CCDC9: variants seen among roughly 807,000 people sequenced by gnomAD.
CCDC9 encodes coiled-coil domain-containing protein 9.
A neutral mutation model predicts 65.6 loss-of-function variants in CCDC9; 52 were observed. That is an observed-to-expected ratio of 0.79 (90% CI 0.63 to 1.00). The LOEUF (loss-of-function observed/expected upper bound fraction) is 1.00. Ranked by LOEUF, CCDC9 falls within the 50% of genes least tolerant of loss-of-function variation. The pLI, the probability that CCDC9 is intolerant of heterozygous loss-of-function variation, is 0.00. For synonymous variants in CCDC9, 332 were observed against 280.3 expected (o/e 1.18, Z -1.84); for missense variants, 834 against 757.2 (o/e 1.10, Z -1.19).
rs1231862047 is a variant in CCDC9 at position 47,271,239 on chromosome 19, C to T, written c.1192-35C>T. ...CGGGCCTGGGGTGGGGGCTCAGGAC[C>T]TGTGCCTTGCCCTGACTTGCCTGTG... On this transcript the variant is annotated intron_variant, in intron 11 of 11. Coordinates refer to ENST00000221922, the MANE Select transcript of CCDC9 (RefSeq NM_015603.3). 2.5e-6 allele frequency: 4 copies of T among 1,609,152 alleles called. No homozygotes were observed. In the African/African-American group the frequency reaches 5.3e-5, roughly 22 times the overall value.
intron 3 of CCDC9, 123 bp from the exon 4 acceptor site, chr19:47,260,198 C>T (rs1177983206): frequency 7.4e-6 from 5 of 679,308 alleles, no homozygotes; most frequent in African/African-American, 1.8e-5. Flanking sequence ...GAGCGGCCTT[C>T]TTGTTCAGAG....
intron 8 of CCDC9, among the ~76,000 whole-genome samples, chr19:47,270,078 C>T (rs1274580822): frequency 6.6e-6 from 1 of 151,576 alleles, no homozygotes; most frequent in South Asian, 2.1e-4. Flanking sequence ...AAGTGATCCT[C>T]CCTCCTCAGC....
intron 8 of CCDC9, among the ~76,000 whole-genome samples, chr19:47,269,440 G>A (rs2059101938): frequency 6.6e-6 from 1 of 151,598 alleles, no homozygotes; most frequent in South Asian, 2.1e-4. Flanking sequence ...CTGCAACATC[G>A]CCTCCTGGGT....
At chr19:47,258,277 GA>G in intron 1 of CCDC9, 52 bp from the exon 2 acceptor site, 1 of 962,884 alleles carries the variant, frequency 1.0e-6, no homozygotes, top group Non-Finnish European at 1.7e-6. Context: ...GTTAGAGGGT[GA>G]AGTAGGTTGG....
chr19:47,271,983 C>G, downstream of CCDC9: 3 of 1,251,798 alleles, frequency 2.4e-6, no homozygotes, highest in Non-Finnish European at 2.0e-6. Context: ...TCCTTGAACC[C>G]CCTTCAACTC....
At chr19:47,271,044 C>A in intron 10 of CCDC9, 38 bp from the exon 11 acceptor site, 1 of 1,447,472 alleles carries the variant, frequency 6.9e-7, no homozygotes. Flanking sequence ...CCTGTCTACT[C>A]TCCACCCAGG....
chr19:47,270,062 A>G (rs941835703), intron 8 of CCDC9, among the ~76,000 whole-genome samples: 1 of 150,524 alleles, frequency 6.6e-6, no homozygotes, highest in Non-Finnish European at 1.5e-5. Flanking sequence ...TTGACCTCCC[A>G]GGCTCAAGTG....
rs1016547944 is a variant in CCDC9 at position 47,266,753 on chromosome 19, A to G, written c.863A>G (p.Gln288Arg). ...CAGAGGCACCGCAAGCCCACTGGCCAGTGGAGGCGCGAGTGGGATGCCGAG... is the reference window on the plus strand; with the variant it reads ...CAGAGGCACCGCAAGCCCACTGGCCGGTGGAGGCGCGAGTGGGATGCCGAG... ...RLQRHRKPTGQWRREWDAEKT... is the reference protein window; with the variant it reads ...RLQRHRKPTGRWRREWDAEKT... The change falls in exon 8 of 12, where the codon CAG (glutamine) becomes CGG (arginine). Residue 288 changes from glutamine to arginine, a missense_variant. Physicochemically the swap from Gln to Arg is conservative, Grantham distance 43 (BLOSUM62 1). Coordinates refer to ENST00000221922, the MANE Select transcript of CCDC9 (RefSeq NM_015603.3). The G allele has an allele frequency of 6.2e-7, 1 of 1,611,336 alleles. No homozygotes were observed. Among genetic ancestry groups the G allele is most frequent in the Non-Finnish European group, 8.5e-7 (1 of 1,178,852 alleles).
intron 10 of CCDC9, among the ~76,000 whole-genome samples, 175 bp from the exon 11 acceptor site, chr19:47,270,907 C>T (rs1555803319): frequency 6.6e-6 from 1 of 152,150 alleles, no homozygotes; most frequent in Non-Finnish European, 1.5e-5. Flanking sequence ...TCTCCTGCTA[C>T]CTGCCCCACT....
At position 47,266,604 on chromosome 19, in the gene CCDC9, G is replaced by C; in HGVS notation, c.721-7G>C. ...ATCACCCTGACTCCCTGTGGGCTGG[G>C]GGGCAGGGCCGCCGAGCTGGCCTGG... On this transcript the variant is annotated splice_polypyrimidine_tract_variant and splice_region_variant and intron_variant, in intron 7 of 11. Transcript: ENST00000221922. The C allele has an allele frequency of 6.6e-7, 1 of 1,518,176 alleles. No individual in the cohort carries two copies. Among genetic ancestry groups the C allele is most frequent in the South Asian group, 1.3e-5 (1 of 79,306 alleles). The allele number at this position is 1,518,176 out of a possible 1,614,324, so 94.0% of individuals were successfully genotyped here. A position where few individuals can be genotyped will look rare whatever the true frequency, so the allele number is the denominator to read the frequency against.
downstream of CCDC9, chr19:47,274,661 G>A (rs1284243506): frequency 1.6e-5 from 4 of 250,872 alleles, no homozygotes; most frequent in African/African-American, 5.4e-5. Context: ...GGTGATTGGG[G>A]TGGTGGGGCT....
intron 7 of CCDC9, among the ~76,000 whole-genome samples, chr19:47,265,177 C>T (rs1280826174): frequency 6.6e-6 from 1 of 152,122 alleles, no homozygotes; most frequent in Non-Finnish European, 1.5e-5. Context: ...GCCTCAGCCT[C>T]CCGAGTAGCT....
At chr19:47,273,552 A>G, downstream of CCDC9, 1 of 450,276 alleles carries the variant, frequency 2.2e-6, no homozygotes, top group Non-Finnish European at 3.6e-6. Context: ...TCCAGCCAGG[A>G]GAGGGTTAAA....
At position 47,271,444 on chromosome 19, in the gene CCDC9, G is replaced by A. The variant is rs750685351; in HGVS notation, c.1362G>A (p.Glu454=). ...EEPAQDHQAP[E]AAPTGIPCSE... ...CAGCCCAAGACCACCAAGCCCCAGAGGCTGCCCCCACCGGGATCCCCTGCA... is the reference window on the plus strand; with the variant it reads ...CAGCCCAAGACCACCAAGCCCCAGAAGCTGCCCCCACCGGGATCCCCTGCA... The change falls in exon 12 of 12, where the codon GAG becomes GAA. Residue 454 remains glutamate, a synonymous_variant. Transcript: ENST00000221922. 6 of 1,613,766 alleles carry A rather than the reference G, an allele frequency of 3.7e-6. No homozygotes were observed. In the South Asian group the frequency reaches 4.4e-5, roughly 12 times the overall value.
chr19:47,263,926 T>A (rs1198960962), intron 5 of CCDC9, among the ~76,000 whole-genome samples: 1 of 151,998 alleles, frequency 6.6e-6, no homozygotes, highest in African/African-American at 2.4e-5. Context: ...TTGCCCAGGC[T>A]GGAGTGCAGT....
intron 7 of CCDC9, among the ~76,000 whole-genome samples, chr19:47,265,975 C>T (rs1299885890): frequency 3.6e-5 from 5 of 137,184 alleles, no homozygotes; most frequent in South Asian, 4.9e-4. Context: ...CGTGAGCCAC[C>T]GCTCCTGGCT....
rs2032811 is a variant in CCDC9, at chr19:47,264,871, G to C, written c.645G>C (p.Glu215Asp). Residue 215 changes from glutamate to aspartate, a missense_variant, in exon 7 of 12, where the codon GAG becomes GAC. Physicochemically the swap from Glu to Asp is conservative, Grantham distance 45. Coordinates refer to ENST00000221922, the MANE Select transcript of CCDC9 (RefSeq NM_015603.3). ...LEESERDRRE[E>D]SRRHGRNWGG... ...AGTCTGAGCGGGACCGCCGGGAGGA[G>C]AGCCGCCGGCACGGCCGCAACTGGG... The C allele has an allele frequency of 0.47, 695,511 of 1,485,066 alleles. 169,537 individuals are homozygous for C. Among genetic ancestry groups the C allele is most frequent in the African/African-American group, 0.75 (53,791 of 71,368 alleles). 92.0% of individuals were successfully genotyped at this position (1,485,066 alleles called of 1,614,324 possible).
chr19:47,275,161 G>A, downstream of CCDC9: 1 of 1,478,824 alleles, frequency 6.8e-7, no homozygotes, highest in Non-Finnish European at 8.9e-7. Context: ...GCCCGCCCGG[G>A]CGTGCCGCCT....
downstream of CCDC9, among the ~76,000 whole-genome samples, chr19:47,272,313 G>A (rs1269910178): frequency 1.3e-5 from 2 of 152,044 alleles, no homozygotes; most frequent in African/African-American, 4.8e-5. Context: ...GGATAGGGAT[G>A]GGGGGCTGGA....
Sources: gnomAD v4.1 joint callset for allele counts (sites outside exome capture counted in the v4.1 genomes callset) on GRCh38, gnomAD v4.1.1 for gene constraint, MANE v1.5 for transcripts, NCBI Gene and HGNC (gene_info 2026-07-23, HGNC 2026-07-21) for gene names.